ADAMTS17: variants seen among roughly 807,000 people sequenced by gnomAD.
ADAMTS17 encodes the protein A disintegrin and metalloproteinase with thrombospondin motifs 17.
Under a neutral mutation model 141.5 loss-of-function variants are expected in ADAMTS17, and 113 were observed. The ratio of observed to expected loss-of-function variants is 0.80; its 90% CI spans 0.69 to 0.93. ADAMTS17 has a LOEUF of 0.93. ADAMTS17 is among the 40% of genes least tolerant of loss of function. The pLI is 0.00. For missense variants in ADAMTS17, 1,659 were observed against 1,517.9 expected (o/e 1.09, Z -1.54); for synonymous variants, 768 against 630.6 (o/e 1.22, Z -3.27).
At chr15:100,195,613 CAAAAAAAAAAAAAA>C (rs71287815) in intron 8 of ADAMTS17, among the ~76,000 whole-genome samples, 1 of 63,646 alleles carries the variant, frequency 1.6e-5, no homozygotes, top group African/African-American at 6.0e-5. Flanking sequence ...TGTTTGGTCT[CAAAAAAAAAAAAAA>C]AAAAAAAAAG....
At chr15:100,275,791 G>C (rs1044408174) in intron 4 of ADAMTS17, among the ~76,000 whole-genome samples, 1 of 151,660 alleles carries the variant, frequency 6.6e-6, no homozygotes, top group East Asian at 2.0e-4. Flanking sequence ...AGTGGCTGAC[G>C]CTAATCTAAT....
intron 18 of ADAMTS17, 82 bp downstream of exon 18, chr15:100,048,775 T>C: frequency 6.3e-7 from 1 of 1,587,596 alleles, no homozygotes; most frequent in Non-Finnish European, 8.6e-7. Context: ...ACTGTGGCAT[T>C]AACTGCATAT....
intron 7 of ADAMTS17, among the ~76,000 whole-genome samples, chr15:100,199,947 G>C (rs1423569483): frequency 6.6e-6 from 1 of 152,252 alleles, no homozygotes; most frequent in Admixed American, 6.5e-5. Context: ...CCGGGCGTGA[G>C]CCGGGGTCTG....
At chr15:100,246,738 T>G (rs1298800302) in intron 7 of ADAMTS17, among the ~76,000 whole-genome samples, 1 of 152,200 alleles carries the variant, frequency 6.6e-6, no homozygotes, top group Non-Finnish European at 1.5e-5. Flanking sequence ...ATTTTATCCA[T>G]TCCATAGCCA....
At position 100,051,555 on chromosome 15, in the gene ADAMTS17, G is replaced by C; in HGVS notation, c.2455+17C>G. 1 of 1,612,858 alleles carries C rather than the reference G, an allele frequency of 6.2e-7. No homozygotes were observed. Among genetic ancestry groups the C allele is most frequent in the Non-Finnish European group, 8.5e-7 (1 of 1,179,878 alleles). ...CAAAACCCCACACCCAACAGGTCAT[G>C]GACCACGGCCACTCACCTCCGCCGC... On this transcript the variant is annotated intron_variant, in intron 17 of 21. Coordinates refer to ENST00000268070, the MANE Select transcript of ADAMTS17 (RefSeq NM_139057.4).
chr15:100,279,440 C>A (rs1449797936), intron 4 of ADAMTS17, among the ~76,000 whole-genome samples: 1 of 152,250 alleles, frequency 6.6e-6, no homozygotes, highest in Non-Finnish European at 1.5e-5. Context: ...CATGTCATCT[C>A]CCTACCCCAC....
intron 15 of ADAMTS17, among the ~76,000 whole-genome samples, chr15:100,088,161 G>A (rs2035228189): frequency 1.3e-5 from 2 of 152,138 alleles, no homozygotes; most frequent in African/African-American, 4.8e-5. Context: ...CAAAATCAAT[G>A]TACAAAAATC....
chr15:100,193,263 C>T (rs747376929), intron 8 of ADAMTS17, among the ~76,000 whole-genome samples: 18 of 152,330 alleles, frequency 1.2e-4, no homozygotes, highest in African/African-American at 2.9e-4. Flanking sequence ...TGAGGTCTCC[C>T]GGGAGCTGAC....
At chr15:100,299,873 G>A (rs1168795598) in intron 3 of ADAMTS17, among the ~76,000 whole-genome samples, 1 of 152,156 alleles carries the variant, frequency 6.6e-6, no homozygotes, top group Admixed American at 6.5e-5. Context: ...GGGGGCCTGA[G>A]GTTGTGTCCC....
intron 12 of ADAMTS17, 112 bp downstream of exon 12, chr15:100,131,895 T>A (rs998034863): frequency 6.5e-7 from 1 of 1,532,788 alleles, no homozygotes; most frequent in Non-Finnish European, 8.9e-7. Flanking sequence ...TCATTTTCCA[T>A]ATCTTCTAAT....
chr15:100,333,825 C>G (rs2046127601), intron 2 of ADAMTS17, among the ~76,000 whole-genome samples: 1 of 152,220 alleles, frequency 6.6e-6, no homozygotes, highest in African/African-American at 2.4e-5. Context: ...GCCTTAGACA[C>G]AAGAGGCCTG....
chr15:100,148,184 T>C (rs1209331698), intron 10 of ADAMTS17, among the ~76,000 whole-genome samples: 2 of 152,238 alleles, frequency 1.3e-5, no homozygotes, highest in East Asian at 1.9e-4. Context: ...GTAACATTCA[T>C]AGGTGCTGAG....
At chr15:100,173,086 A>G (rs1360237469) in intron 8 of ADAMTS17, among the ~76,000 whole-genome samples, 1 of 152,156 alleles carries the variant, frequency 6.6e-6, no homozygotes, top group Non-Finnish European at 1.5e-5. Flanking sequence ...TCACACTTCT[A>G]TTTAGTTCCA....
At chr15:100,018,453 T>C (rs1282271602) in intron 18 of ADAMTS17, among the ~76,000 whole-genome samples, 2 of 152,222 alleles carry the variant, frequency 1.3e-5, no homozygotes, top group African/African-American at 4.8e-5. Flanking sequence ...GATTGGATCA[T>C]AGGGAGGATT....
At chr15:100,284,331 CT>C (rs2044378261) in intron 3 of ADAMTS17, among the ~76,000 whole-genome samples, 1 of 152,206 alleles carries the variant, frequency 6.6e-6, no homozygotes, top group Non-Finnish European at 1.5e-5. Context: ...CCACTAATGA[CT>C]GTCATTGGCT....
At chr15:100,142,958 G>A (rs1473804077) in intron 10 of ADAMTS17, among the ~76,000 whole-genome samples, 2 of 152,222 alleles carry the variant, frequency 1.3e-5, no homozygotes, top group Non-Finnish European at 2.9e-5. Flanking sequence ...ATATATGCTC[G>A]TGGCAACTAA....
intron 8 of ADAMTS17, among the ~76,000 whole-genome samples, chr15:100,178,692 A>G (rs987828293): frequency 1.3e-5 from 2 of 151,338 alleles, no homozygotes; most frequent in African/African-American, 2.4e-5. Flanking sequence ...TTCTCCTACC[A>G]TTTTCTTTGG....
intron 7 of ADAMTS17, among the ~76,000 whole-genome samples, chr15:100,239,699 C>T (rs912017640): frequency 3.9e-5 from 6 of 152,170 alleles, no homozygotes; most frequent in Non-Finnish European, 8.8e-5. Context: ...CCTGGTGCTA[C>T]TGGAGCACAG....
rs1006779006 is a variant in ADAMTS17 at position 100,073,240 on chromosome 15, A to G, written c.2138-19186T>C. Among the ~76,000 whole-genome samples, 37 of 152,256 alleles carry G rather than the reference A, an allele frequency of 2.4e-4. 1 individual carries two copies. The highest frequency in any genetic ancestry group is 7.2e-4 in the African/African-American group (30 of 41,548). On this transcript the variant is annotated intron_variant, in intron 15 of 21. Coordinates refer to ENST00000268070, the MANE Select transcript of ADAMTS17 (RefSeq NM_139057.4). ...ACCATCTCACACCAGTTAGAATGGCAATCATTAAAAAGTCAGGAAACAACA... is the reference window on the plus strand; with the variant it reads ...ACCATCTCACACCAGTTAGAATGGCGATCATTAAAAAGTCAGGAAACAACA...
Sources: allele counts gnomAD v4.1 joint callset (sites outside exome capture counted in the v4.1 genomes callset), GRCh38; gene constraint gnomAD v4.1.1; transcripts MANE v1.5; gene names NCBI Gene and HGNC (gene_info 2026-07-23, HGNC 2026-07-21).